The following DLC1 variants were observed in gnomAD, a reference collection of about 807,000 sequenced individuals.
DLC1 encodes DLC1 Rho GTPase activating protein.
In DLC1, 54 loss-of-function variants were observed where a neutral mutation model predicts 140.3. The observed-to-expected ratio is 0.38, with a 90% CI of 0.31 to 0.48. The LOEUF (loss-of-function observed/expected upper bound fraction) is 0.48. Among genes scored for constraint, DLC1 ranks in the 20% least tolerant of loss-of-function variants. DLC1 has a pLI of 0.96. For missense variants in DLC1, 2,536 were observed against 1,907.0 expected, an observed-to-expected ratio of 1.33 and a Z score of -6.14; for synonymous variants, 986 against 728.1, an observed-to-expected ratio of 1.35 and a Z score of -5.70.
intron 5 of DLC1, among the ~76,000 whole-genome samples, chr8:13,218,561 A>G (rs1828324289): frequency 6.6e-6 from 1 of 151,852 alleles, no homozygotes; most frequent in African/African-American, 2.4e-5. Flanking sequence ...GCAAATCAAA[A>G]CTACAGTGAT....
chr8:13,582,840 C>T (rs1464858070), intron 1 of DLC1, among the ~76,000 whole-genome samples: 2 of 137,016 alleles, frequency 1.5e-5, no homozygotes, highest in Non-Finnish European at 3.1e-5. Context: ...TTTTGCTTCC[C>T]AGTGCATATA....
Position 13,393,574 on chromosome 8 carries a change from A to G in DLC1, c.1293T>C (p.Ser431=), listed in dbSNP as rs1174075918. 6.2e-7 allele frequency: 1 copy of G among 1,614,104 alleles called. No homozygotes were observed. Among genetic ancestry groups the G allele is most frequent in the Non-Finnish European group, 8.5e-7 (1 of 1,179,998 alleles). ...TCACCGTAGTCTTGGGTTTGGTTCC[A>G]GAATTGGCTACTGGAGTGGAAGATG... The part of the protein sequence containing the change: ...DLPSSTPVAN[S]GTKPKTTAIQ... Residue 431 remains serine, a synonymous_variant, in exon 4 of 18, where the codon TCT becomes TCC. Coordinates refer to ENST00000276297, the MANE Select transcript of DLC1 (RefSeq NM_182643.3).
At chr8:13,258,781 G>T (rs1014142240) in intron 5 of DLC1, among the ~76,000 whole-genome samples, 73 of 152,182 alleles carry the variant, frequency 4.8e-4, no homozygotes, top group African/African-American at 1.7e-3. Context: ...TTTCTCATAT[G>T]GGTGGGAGAC....
intron 2 of DLC1, among the ~76,000 whole-genome samples, chr8:13,471,309 C>CAA (rs59564488): frequency 8.4e-6 from 1 of 119,202 alleles, no homozygotes. Context: ...ATGTTCTCAC[C>CAA]AAAAAAAAAA....
intron 1 of DLC1, among the ~76,000 whole-genome samples, chr8:13,538,863 G>A (rs1392505939): frequency 5.3e-5 from 8 of 152,144 alleles, no homozygotes; most frequent in Non-Finnish European, 1.2e-4. Context: ...CTATCCCACA[G>A]TTCGGCAGAT....
At chr8:13,250,368 C>T (rs1829950421) in intron 5 of DLC1, among the ~76,000 whole-genome samples, 1 of 152,168 alleles carries the variant, frequency 6.6e-6, no homozygotes, top group Admixed American at 6.5e-5. Flanking sequence ...CTGGCCCACA[C>T]AGTATCATTT....
intron 15 of DLC1, among the ~76,000 whole-genome samples, chr8:13,089,350 G>A (rs1456213467): frequency 1.3e-5 from 2 of 151,784 alleles, no homozygotes; most frequent in African/African-American, 2.4e-5. Flanking sequence ...GTCACTGGCA[G>A]GGCATGGTGG....
chr8:13,364,545 C>T (rs1445000302), intron 4 of DLC1, among the ~76,000 whole-genome samples: 1 of 152,172 alleles, frequency 6.6e-6, no homozygotes, highest in Non-Finnish European at 1.5e-5. Context: ...GATCCTCCCG[C>T]CTTGGCCTTC....
At chr8:13,102,690 A>C in intron 8 of DLC1, 100 bp downstream of exon 8, 2 of 1,075,222 alleles carry the variant, frequency 1.9e-6, no homozygotes, top group Non-Finnish European at 2.9e-6. Context: ...CGGAACAACA[A>C]ACTAAGAGTT....
intron 4 of DLC1, among the ~76,000 whole-genome samples, chr8:13,353,772 G>C (rs968115167): frequency 1.3e-5 from 2 of 151,922 alleles, no homozygotes; most frequent in African/African-American, 4.8e-5. Context: ...CAGGAGAATT[G>C]CTTGAACCCG....
intron 2 of DLC1, among the ~76,000 whole-genome samples, chr8:13,470,421 C>T (rs539398965): frequency 6.6e-6 from 1 of 152,006 alleles, no homozygotes; most frequent in African/African-American, 2.4e-5. Flanking sequence ...AAGAGCCAAA[C>T]CCCTCCTAAT....
intron 4 of DLC1, among the ~76,000 whole-genome samples, chr8:13,383,946 G>A (rs1190630077): frequency 2.0e-5 from 3 of 152,144 alleles, no homozygotes; most frequent in Admixed American, 6.6e-5. Flanking sequence ...TCTGACATGC[G>A]TGGAACTGTG....
chr8:13,227,014 T>G (rs1418209470), intron 5 of DLC1, among the ~76,000 whole-genome samples: 1 of 151,704 alleles, frequency 6.6e-6, no homozygotes, highest in Non-Finnish European at 1.5e-5. Flanking sequence ...AAATGAGAAA[T>G]AGTTCATTAT....
intron 2 of DLC1, among the ~76,000 whole-genome samples, chr8:13,496,261 G>A (rs950303958): frequency 2.0e-5 from 3 of 151,930 alleles, no homozygotes; most frequent in East Asian, 3.9e-4. Context: ...ATAAATATTT[G>A]TTCATAATTT....
intron 1 of DLC1, among the ~76,000 whole-genome samples, chr8:13,600,796 C>G (rs1328890408): frequency 6.6e-6 from 1 of 151,542 alleles, no homozygotes; most frequent in African/African-American, 2.4e-5. Flanking sequence ...GTTTTATTTT[C>G]AGAAATATAC....
intron 4 of DLC1, among the ~76,000 whole-genome samples, chr8:13,356,232 A>G (rs145879870): frequency 3.6e-4 from 54 of 151,928 alleles, no homozygotes; most frequent in African/African-American, 1.2e-3. Flanking sequence ...GCCAACTTCT[A>G]TATTTCCTCT....
In DLC1 at chr8:13,177,525, C is replaced by A. The variant is rs529183656; in HGVS notation, c.1349-61868G>T. ...CTTCAATCTTACTTCCCTCACATTC[C>A]TGCGTAAGAGATGTGGTAATACACT... is the stretch of plus-strand genomic sequence containing the variant. On this transcript the variant is annotated intron_variant, in intron 5 of 17. Transcript: ENST00000276297. Among the ~76,000 whole-genome samples, 3 of 152,254 alleles carry A rather than the reference C, an allele frequency of 2.0e-5. No homozygotes were observed. The South Asian group carries it at 6.2e-4, about 32-fold the overall frequency.
intron 2 of DLC1, among the ~76,000 whole-genome samples, chr8:13,423,141 G>A (rs963246515): frequency 6.6e-6 from 1 of 152,076 alleles, no homozygotes; most frequent in Non-Finnish European, 1.5e-5. Flanking sequence ...TTGCAGGTTT[G>A]CCTTGTCTAC....
chr8:13,094,675 AAG>A (rs1818357780), intron 12 of DLC1, 82 bp downstream of exon 12: 20 of 1,535,436 alleles, frequency 1.3e-5, no homozygotes, highest in Middle Eastern at 3.4e-4. Flanking sequence ...CAAAAAAAAA[AAG>A]AATGCTATCA....
Sources: gnomAD v4.1 joint callset for allele counts (sites outside exome capture counted in the v4.1 genomes callset) on GRCh38, gnomAD v4.1.1 for gene constraint, MANE v1.5 for transcripts, NCBI Gene and HGNC (gene_info 2026-07-23, HGNC 2026-07-21) for gene names.